The following NEK8 variants were observed in gnomAD, a reference collection of about 807,000 sequenced individuals.
The protein encoded by NEK8 is serine/threonine-protein kinase Nek8.
NEK8 carries 51 observed loss-of-function variants against 77.2 expected under a neutral mutation model. The observed-to-expected ratio is 0.66, with a 90% confidence interval of 0.53 to 0.83. NEK8 has a LOEUF of 0.83. Among genes scored for constraint, NEK8 ranks in the 40% least tolerant of loss-of-function variants. NEK8 has a pLI of 0.00. For missense variants in NEK8, 787 were observed against 909.2 expected, an observed-to-expected ratio of 0.87 and a Z score of 1.73; for synonymous variants, 365 against 363.2, an observed-to-expected ratio of 1.00 and a Z score of -0.06.
intron 3 of NEK8, 104 bp from the exon 4 acceptor site, chr17:28,735,136 C>T (rs571816006): frequency 5.3e-5 from 82 of 1,560,920 alleles, no homozygotes; most frequent in Non-Finnish European, 6.8e-5. Flanking sequence ...CAGGAGGAAG[C>T]CCCTTGGCTT....
chr17:28,734,737 A>G, intron 2 of NEK8, 35 bp from the exon 3 acceptor site: 2 of 1,477,928 alleles, frequency 1.4e-6, no homozygotes, highest in Non-Finnish European at 1.9e-6. Context: ...TAGGTGTGAG[A>G]AAGCCTGGAT....
intron 1 of NEK8, among the ~76,000 whole-genome samples, chr17:28,731,999 A>C (rs372723444): frequency 4.2e-4 from 44 of 105,428 alleles, no homozygotes; most frequent in African/African-American, 1.5e-3. Context: ...GGCGCAATCT[A>C]GGCTCACTGC....
rs199502809 is a variant in NEK8 at position 28,734,698 on chromosome 17, AC to A, written c.254-73del. ...CGAGACTCCATCTCAAAAAAAAAAA[AC>A]AACAACAACAATGGAGAGGGGTTGT... On this transcript the variant is annotated intron_variant, in intron 2 of 14. Coordinates refer to ENST00000268766, the MANE Select transcript of NEK8 (RefSeq NM_178170.3). 0.019 allele frequency: 19,053 copies of A among 1,027,372 alleles called. 80 individuals are homozygous for A. Among genetic ancestry groups the A allele is most frequent in the Non-Finnish European group, 0.023 (15,279 of 673,064 alleles). The allele number at this position is 1,027,372 out of a possible 1,614,324, so 63.6% of individuals were successfully genotyped here. A position where few individuals can be genotyped will look rare whatever the true frequency, so the allele number is the denominator to read the frequency against.
At chr17:28,735,204 C>A (rs1567759713) in intron 3 of NEK8, 36 bp from the exon 4 acceptor site, 2 of 1,613,332 alleles carry the variant, frequency 1.2e-6, no homozygotes, top group South Asian at 2.2e-5. Context: ...GGTCTTCCCT[C>A]CCTGCAGGGC....
chr17:28,728,966 G>C (rs1257051936), intron 1 of NEK8, 106 bp downstream of exon 1: 50 of 1,075,756 alleles, frequency 4.6e-5, no homozygotes, highest in Non-Finnish European at 6.8e-5. Context: ...AGGCGTGAGC[G>C]CCACTCTGGG....
Position 28,733,952 on chromosome 17 carries a change from G to A in NEK8, c.48-31G>A, listed in dbSNP as rs201825819. The A allele has an allele frequency of 1.7e-5, 27 of 1,600,980 alleles. No individual in the cohort carries two copies. The African/African-American group carries it at 2.9e-4, about 17-fold the overall frequency. On this transcript the variant is annotated intron_variant, in intron 1 of 14. Transcript: ENST00000268766. ...CTGATATGTGGCTGGAGGCTTAGCT[G>A]GTAACCTGTCCCTGTCCTCCGTATC... is the stretch of plus-strand genomic sequence containing the variant.
rs2034409506 is a variant in NEK8, at chr17:28,740,464, C to G, written c.1419C>G (p.Gly473=). Residue 473 remains glycine (G), a splice_region_variant and synonymous_variant, in exon 11 of 15, where the codon GGC becomes GGG. Coordinates refer to ENST00000268766, the MANE Select transcript of NEK8 (RefSeq NM_178170.3). This position sits in a 1 kb window ranked among gnomAD's most constrained non-coding sequence, Gnocchi z 4.7. ...ELFAWGRGDS[G]RLGLGTRESH... ...CTCCTTCTGGGTTTCTTCTTGTAGG[C>G]AGACTGGGGCTAGGCACCAGGGAGT... The G allele has an allele frequency of 6.2e-7, 1 of 1,614,046 alleles. No individual in the cohort carries two copies. Among genetic ancestry groups the G allele is most frequent in the Non-Finnish European group, 8.5e-7 (1 of 1,179,964 alleles).
In NEK8 at chr17:28,741,241, G is replaced by A. The variant is rs771141104; in HGVS notation, c.1891+5G>A. 4 of 1,604,030 alleles carry A rather than the reference G, an allele frequency of 2.5e-6. No individual in the cohort carries two copies. In the South Asian group the frequency reaches 3.3e-5, roughly 13 times the overall value. ...TCACTGTAGCTATTGGGGCAGGTGA[G>A]GACTGAGCATGGTGGGGGCAGACAG... On this transcript the variant is annotated splice_donor_5th_base_variant and intron_variant, in intron 13 of 14. Coordinates refer to ENST00000268766, the MANE Select transcript of NEK8 (RefSeq NM_178170.3). This position sits in a 1 kb window ranked among gnomAD's most constrained non-coding sequence, Gnocchi z 4.5.
chr17:28,731,659 A>T (rs1186320660), intron 1 of NEK8, among the ~76,000 whole-genome samples: 2 of 150,316 alleles, frequency 1.3e-5, no homozygotes, highest in Non-Finnish European at 3.0e-5. Flanking sequence ...ACTAGAGTGC[A>T]GTGGCACCAT....
intron 1 of NEK8, among the ~76,000 whole-genome samples, chr17:28,731,409 C>T (rs567177671): frequency 3.3e-5 from 5 of 150,686 alleles, no homozygotes; most frequent in South Asian, 2.1e-4. Flanking sequence ...GTGGGTGGCA[C>T]GCGCCTGTAG....
intron 1 of NEK8, among the ~76,000 whole-genome samples, chr17:28,731,568 C>A (rs1394533864): frequency 6.6e-6 from 1 of 151,724 alleles, no homozygotes; most frequent in African/African-American, 2.4e-5. Context: ...AATAAAAAAT[C>A]TTATCAGACC....
In NEK8 at chr17:28,741,859, G is replaced by C. The variant is rs2034426385; in HGVS notation, c.2051-100G>C. The C allele has an allele frequency of 7.8e-7, 1 of 1,274,954 alleles. No individual in the cohort carries two copies. The highest frequency in any genetic ancestry group is 1.1e-6 in the Non-Finnish European group (1 of 870,888). 79.0% of individuals were successfully genotyped at this position (1,274,954 alleles called of 1,614,324 possible). Reference sequence around the variant, plus strand: ...CTGAAACTCTCTTTCTGGCCTAACAGGGTCCAGAATCCAGGGCCCAGTGGG... The same window carrying C: ...CTGAAACTCTCTTTCTGGCCTAACACGGTCCAGAATCCAGGGCCCAGTGGG... On this transcript the variant is annotated intron_variant, in intron 14 of 14. Coordinates refer to ENST00000268766, the MANE Select transcript of NEK8 (RefSeq NM_178170.3). The surrounding 1 kb of genome is among the most constrained non-coding windows in gnomAD (Gnocchi z 4.5).
In NEK8 at chr17:28,741,483, C is replaced by T. The variant is rs747753007; in HGVS notation, c.1962C>T (p.Leu654=). 3.1e-6 allele frequency: 5 copies of T among 1,614,028 alleles called. No homozygotes were observed. Among genetic ancestry groups the T allele is most frequent in the Non-Finnish European group, 4.2e-6 (5 of 1,180,026 alleles). Reference sequence around the variant, plus strand: ...GAAGGAGGGATGAGGATGCCGGACTCCCTCGGCCAGTGCAGTTGGATGAGA... The same window carrying T: ...GAAGGAGGGATGAGGATGCCGGACTTCCTCGGCCAGTGCAGTTGGATGAGA... ...RLGRRDEDAG[L]PRPVQLDETH... is the part of the protein sequence containing the mutation. The change falls in exon 14 of 15, where the codon CTC becomes CTT. Residue 654 remains leucine (L), a synonymous_variant. Coordinates refer to ENST00000268766, the MANE Select transcript of NEK8 (RefSeq NM_178170.3). The surrounding 1 kb of genome is among the most constrained non-coding windows in gnomAD (Gnocchi z 4.5).
At position 28,741,828 on chromosome 17, in the gene NEK8, T is replaced by G. The variant is rs1476691558; in HGVS notation, c.2051-131T>G. ...TTCTTTCTCCTACTGCTGAGTCCCGTTGATGCTGAAACTCTCTTTCTGGCC... is the reference window on the plus strand; with the variant it reads ...TTCTTTCTCCTACTGCTGAGTCCCGGTGATGCTGAAACTCTCTTTCTGGCC... On this transcript the variant is annotated intron_variant, in intron 14 of 14. Coordinates refer to ENST00000268766, the MANE Select transcript of NEK8 (RefSeq NM_178170.3). This position sits in a 1 kb window ranked among gnomAD's most constrained non-coding sequence, Gnocchi z 4.5. 5.8e-6 allele frequency: 6 copies of G among 1,041,598 alleles called. No homozygotes were observed. The highest frequency in any genetic ancestry group is 7.5e-6 in the Non-Finnish European group (5 of 663,876). The allele number at this position is 1,041,598 out of a possible 1,614,324, so 64.5% of individuals were successfully genotyped here. A position where few individuals can be genotyped will look rare whatever the true frequency, so the allele number is the denominator to read the frequency against.
At position 28,728,836 on chromosome 17, in the gene NEK8, G is replaced by A. The variant is rs769061874; in HGVS notation, c.23G>A (p.Arg8Gln). 34 of 1,551,478 alleles carry A rather than the reference G, an allele frequency of 2.2e-5. No individual in the cohort carries two copies. The highest frequency in any genetic ancestry group is 2.7e-5 in the African/African-American group (2 of 73,074). The change falls in exon 1 of 15, where the codon CGA (arginine) becomes CAA (glutamine). Residue 8 changes from arginine (R) to glutamine (Q), a missense_variant. Physicochemically the swap from Arg to Gln is conservative, Grantham distance 43 (BLOSUM62 1). This residue lies in a region of NEK8 where 271 missense variants were observed against 365.1 expected (regional missense o/e 0.74). Transcript: ENST00000268766. MEKYERI[R>Q]VVGRGAFGIV... Reference sequence around the variant, plus strand: ...GAGATGGAGAAGTACGAGCGGATCCGAGTGGTGGGGAGAGGTGCCTTCGGG... The same window carrying A: ...GAGATGGAGAAGTACGAGCGGATCCAAGTGGTGGGGAGAGGTGCCTTCGGG...
intron 1 of NEK8, among the ~76,000 whole-genome samples, chr17:28,731,299 G>T (rs945812055): frequency 2.8e-4 from 42 of 152,006 alleles, no homozygotes; most frequent in African/African-American, 8.9e-4. Context: ...CAGCACTTTG[G>T]GAGGCCGAGG....
chr17:28,743,072 C>CAAAAAAAAA lies in NEK8; in HGVS notation c.*1107_*1115dup, dbSNP rs60028464. On this transcript the variant is annotated 3_prime_UTR_variant, in exon 15 of 15. Transcript: ENST00000268766. ...TGGATGACAGAGCAAGTCTCCCTCT[C>CAAAAAAAAA]AAAAAAAAAAAAAAAAAAAAAAAAA... The CAAAAAAAAA allele has an allele frequency of 3.0e-5, 2 of 66,264 alleles. No homozygotes were observed. The highest frequency in any genetic ancestry group is 6.1e-5 in the African/African-American group (1 of 16,264). 4.1% of individuals were successfully genotyped at this position (66,264 alleles called of 1,614,324 possible).
Position 28,738,013 on chromosome 17 carries a change from G to C in NEK8, c.1071+13G>C, listed in dbSNP as rs775567721. 9.9e-6 allele frequency: 16 copies of C among 1,612,570 alleles called. No homozygotes were observed. In the South Asian group the frequency reaches 1.2e-4, roughly 12 times the overall value. On this transcript the variant is annotated intron_variant, in intron 7 of 14. Transcript: ENST00000268766. ...CATCCTGTGGGAGGTGAGCAGGCCA[G>C]GGGGTGGCCTGGATGGGTGGAGGTG...
chr17:28,738,542 T>C, intron 8 of NEK8, 129 bp from the exon 9 acceptor site: 1 of 841,618 alleles, frequency 1.2e-6, no homozygotes, highest in Non-Finnish European at 2.0e-6. Context: ...CTTTTCTCTC[T>C]TCCTATCCCA....
Sources: allele counts gnomAD v4.1 joint callset (sites outside exome capture counted in the v4.1 genomes callset), GRCh38; gene constraint gnomAD v4.1.1; regional missense constraint gnomAD v4.1.1; non-coding constraint Gnocchi (gnomAD v3.1); transcripts MANE v1.5; gene names NCBI Gene and HGNC (gene_info 2026-07-23, HGNC 2026-07-21).